Variants in UCHL1 observed in about 807,000 individuals in gnomAD.
UCHL1 encodes the protein ubiquitin C-terminal hydrolase L1.
UCHL1 carries 5 observed loss-of-function variants against 33.3 expected under a neutral mutation model. That is an observed-to-expected ratio of 0.15 (90% CI 0.08 to 0.32). The LOEUF is 0.32. Ranked by LOEUF, UCHL1 falls within the 10% of genes least tolerant of loss-of-function variation. The pLI is 1.00. For missense variants in UCHL1, 236 were observed against 280.0 expected (o/e 0.84, Z 1.12); for synonymous variants, 132 against 108.8 (o/e 1.21, Z -1.33).
chr4:41,261,989 C>A, intron 6 of UCHL1, 66 bp downstream of exon 6: 1 of 1,589,814 alleles, frequency 6.3e-7, no homozygotes, highest in Admixed American at 1.7e-5. Flanking sequence ...TGAAATTGTG[C>A]AGGAATCTCT....
chr4:41,263,357 T>C (rs546572233), intron 7 of UCHL1, 66 bp downstream of exon 7: 23 of 1,445,306 alleles, frequency 1.6e-5, no homozygotes, highest in Non-Finnish European at 2.1e-5. Flanking sequence ...GAATTTCTCT[T>C]GATATATTGT....
chr4:41,263,363 A>G, intron 7 of UCHL1, 72 bp downstream of exon 7: 5 of 1,409,546 alleles, frequency 3.5e-6, no homozygotes, highest in Non-Finnish European at 5.0e-6. Flanking sequence ...CTCTTGATAT[A>G]TTGTGTGACT....
intron 8 of UCHL1, 34 bp from the exon 9 acceptor site, chr4:41,267,953 C>T: frequency 6.3e-7 from 1 of 1,589,768 alleles, no homozygotes; most frequent in Middle Eastern, 1.7e-4. Context: ...TGAGCTCTTG[C>T]TGTTTGGATT....
chr4:41,261,073 T>C (rs964503727), intron 4 of UCHL1, among the ~76,000 whole-genome samples: 3 of 152,208 alleles, frequency 2.0e-5, no homozygotes, highest in Non-Finnish European at 4.4e-5. Flanking sequence ...GTAATTAGTG[T>C]CTCTTAAGCA....
intron 5 of UCHL1, 38 bp downstream of exon 5, chr4:41,261,838 T>A (rs1333878887): frequency 6.2e-7 from 1 of 1,614,094 alleles, no homozygotes; most frequent in South Asian, 1.1e-5. Flanking sequence ...TAAATAACTC[T>A]AGAGATTTTT....
intron 3 of UCHL1, among the ~76,000 whole-genome samples, chr4:41,258,276 T>C (rs1027267514): frequency 5.3e-5 from 8 of 152,234 alleles, no homozygotes; most frequent in African/African-American, 1.9e-4. Context: ...ACTTGCACAC[T>C]TGGTTTTTAG....
Position 41,261,701 on chromosome 4 carries a change from A to AT in UCHL1, c.326-4dup, listed in dbSNP as rs3214812. 383,571 of 1,491,386 alleles carry AT rather than the reference A, an allele frequency of 0.26. 28,963 individuals carry two copies. Among genetic ancestry groups the AT allele is most frequent in the East Asian group, 0.46 (18,904 of 41,406 alleles). The allele number at this position is 1,491,386 out of a possible 1,614,324, so 92.4% of individuals were successfully genotyped here. A position where few individuals can be genotyped will look rare whatever the true frequency, so the allele number is the denominator to read the frequency against. On this transcript the variant is annotated splice_polypyrimidine_tract_variant and intron_variant, in intron 4 of 8. Coordinates refer to ENST00000284440, the MANE Select transcript of UCHL1 (RefSeq NM_004181.5). Reference sequence around the variant, plus strand: ...TTATTTTACCTATACTAACACATCCATTTTTTTTTTAAGAGGATGGATCAG... The same window carrying AT: ...TTATTTTACCTATACTAACACATCCATTTTTTTTTTTAAGAGGATGGATCAG...
chr4:41,258,495 G>C (rs545376787), intron 3 of UCHL1, among the ~76,000 whole-genome samples: 1 of 152,138 alleles, frequency 6.6e-6, no homozygotes, highest in Non-Finnish European at 1.5e-5. Flanking sequence ...CTGAAAGACA[G>C]CGTCAGATTT....
At position 41,268,215 on chromosome 4, in the gene UCHL1, C is replaced by A; in HGVS notation, c.*142C>A. 2 of 785,724 alleles carry A rather than the reference C, an allele frequency of 2.5e-6. No individual in the cohort carries two copies. The highest frequency in any genetic ancestry group is 4.3e-6 in the Non-Finnish European group (2 of 467,356). 48.7% of individuals were successfully genotyped at this position (785,724 alleles called of 1,614,324 possible). ...TGCAGACACGCCTTCCCCTCAGCCA[C>A]ACCCAGGCACTTAAGCACAAGCAGA... On this transcript the variant is annotated 3_prime_UTR_variant, in exon 9 of 9. Transcript: ENST00000284440.
In UCHL1 at chr4:41,256,973, G is replaced by A; in HGVS notation, c.-4G>A. The A allele has an allele frequency of 1.2e-6, 2 of 1,614,170 alleles. No individual in the cohort carries two copies. The highest frequency in any genetic ancestry group is 1.7e-6 in the Non-Finnish European group (2 of 1,180,018). On this transcript the variant is annotated 5_prime_UTR_variant, in exon 1 of 9. Transcript: ENST00000284440. The stretch of plus-strand genomic sequence containing the variant: ...AGGCTATTTCTGCCGGGCGCTCCGC[G>A]AAGATGCAGCTCAAGCCGATGGAGA...
At chr4:41,257,853 T>C in intron 3 of UCHL1, 116 bp downstream of exon 3, 2 of 1,421,934 alleles carry the variant, frequency 1.4e-6, no homozygotes, top group Middle Eastern at 2.5e-4. Context: ...GGGGCGCGCC[T>C]ACAAGGAAGG....
At chr4:41,258,710 G>A (rs1026803354) in intron 3 of UCHL1, among the ~76,000 whole-genome samples, 2 of 152,214 alleles carry the variant, frequency 1.3e-5, no homozygotes, top group African/African-American at 4.8e-5. Flanking sequence ...TGTTCTGGAA[G>A]CATCTGTAGC....
intron 3 of UCHL1, among the ~76,000 whole-genome samples, chr4:41,259,517 G>A (rs936455100): frequency 1.3e-5 from 2 of 152,192 alleles, no homozygotes; most frequent in African/African-American, 4.8e-5. Flanking sequence ...TGGAGTTTAA[G>A]TTGATCTTCT....
At chr4:41,262,049 A>C in intron 6 of UCHL1, 126 bp downstream of exon 6, 1 of 1,332,750 alleles carries the variant, frequency 7.5e-7, no homozygotes, top group South Asian at 1.3e-5. Context: ...GACACCAGAA[A>C]GTTCTACCCA....
rs1781187993 is a variant in UCHL1, at chr4:41,268,376, T to G, written c.*303T>G. ...TCTGTCTGTAAGTTAAGACCTTGGA[T>G]GTGGTTTAATTGTTTGTCCTCAAAA... is the stretch of plus-strand genomic sequence containing the variant. On this transcript the variant is annotated 3_prime_UTR_variant, in exon 9 of 9. Transcript: ENST00000284440. The G allele has an allele frequency of 2.3e-6, 1 of 434,350 alleles. No homozygotes were observed. Among genetic ancestry groups the G allele is most frequent in the African/African-American group, 2.0e-5 (1 of 50,608 alleles). 26.9% of individuals were successfully genotyped at this position (434,350 alleles called of 1,614,324 possible).
At chr4:41,265,750 T>G (rs866181261) in intron 8 of UCHL1, among the ~76,000 whole-genome samples, 2 of 152,212 alleles carry the variant, frequency 1.3e-5, no homozygotes, top group Admixed American at 6.5e-5. Context: ...AAGGTTGATT[T>G]CTCTCATCTG....
chr4:41,257,553 G>GGTGCCCGCGACCCGCGT, intron 2 of UCHL1, 56 bp from the exon 3 acceptor site: 1 of 1,445,300 alleles, frequency 6.9e-7, no homozygotes, highest in South Asian at 1.4e-5. Flanking sequence ...CCCCCTGGCA[G>GGTGCCCGCGACCCGCGT]GTGCCCGCGA....
intron 3 of UCHL1, among the ~76,000 whole-genome samples, chr4:41,259,067 T>C (rs1308584459): frequency 6.6e-6 from 1 of 152,216 alleles, no homozygotes; most frequent in East Asian, 1.9e-4. Context: ...TTTTGCTGAA[T>C]CTTGTTTAGA....
chr4:41,257,145 C>T lies in UCHL1; in HGVS notation c.45+19C>T, dbSNP rs11556272. The stretch of plus-strand genomic sequence containing the variant: ...GAACAAAGTGAGTGGCGTCTCGCGC[C>T]GTCTCTGGCCCCCTCCCCCGCGAGC... On this transcript the variant is annotated intron_variant, in intron 2 of 8. Transcript: ENST00000284440. 5.6e-6 allele frequency: 9 copies of T among 1,612,240 alleles called. No homozygotes were observed. The Admixed American group carries it at 8.3e-5, about 15-fold the overall frequency.
Sources: allele counts gnomAD v4.1 joint callset (sites outside exome capture counted in the v4.1 genomes callset), GRCh38; gene constraint gnomAD v4.1.1; transcripts MANE v1.5; gene names NCBI Gene and HGNC (gene_info 2026-07-23, HGNC 2026-07-21).